Variants in SESTD1 observed in about 807,000 individuals in gnomAD.
The protein encoded by SESTD1 is SEC14 domain and spectrin repeat-containing protein 1.
SESTD1 carries 43 observed loss-of-function variants against 101.7 expected under a neutral mutation model. That is an observed-to-expected ratio of 0.42 (90% CI 0.33 to 0.55). The LOEUF (loss-of-function observed/expected upper bound fraction) is 0.55. SESTD1 is among the 20% of genes least tolerant of loss of function. The pLI is 0.07. For synonymous variants in SESTD1, 283 were observed against 286.8 expected, an observed-to-expected ratio of 0.99 and a Z score of 0.13; for missense variants, 647 against 815.1, an observed-to-expected ratio of 0.79 and a Z score of 2.51.
chr2:179,137,268 C>G (rs925941905), intron 9 of SESTD1, among the ~76,000 whole-genome samples: 12 of 152,160 alleles, frequency 7.9e-5, no homozygotes, highest in African/African-American at 2.7e-4. Flanking sequence ...TTGTGACTAT[C>G]CATGCTTCTT....
In SESTD1 at chr2:179,124,566, C is replaced by G; in HGVS notation, c.973-8G>C. On this transcript the variant is annotated splice_polypyrimidine_tract_variant and splice_region_variant and intron_variant, in intron 10 of 17. Coordinates refer to ENST00000428443, the MANE Select transcript of SESTD1 (RefSeq NM_178123.5). Reference sequence around the variant, plus strand: ...ATACACTGCAAACCATTCCTGTAATCAAGATGTTACAAAGTAAACTAAGGC... The same window carrying G: ...ATACACTGCAAACCATTCCTGTAATGAAGATGTTACAAAGTAAACTAAGGC... 1 of 1,605,726 alleles carries G rather than the reference C, an allele frequency of 6.2e-7. No homozygotes were observed.
intron 5 of SESTD1, among the ~76,000 whole-genome samples, chr2:179,167,867 A>G (rs2045862677): frequency 6.6e-6 from 1 of 151,990 alleles, no homozygotes; most frequent in Admixed American, 6.5e-5. Context: ...GGTTCAAGCA[A>G]TTCTCCTGTC....
At chr2:179,262,680 A>G (rs1301861582) in intron 1 of SESTD1, among the ~76,000 whole-genome samples, 1 of 152,242 alleles carries the variant, frequency 6.6e-6, no homozygotes, top group African/African-American at 2.4e-5. Flanking sequence ...CATTAATACC[A>G]AGTTCATTTT....
chr2:179,184,280 A>C (rs1340860591), intron 2 of SESTD1, among the ~76,000 whole-genome samples: 1 of 152,216 alleles, frequency 6.6e-6, no homozygotes, highest in East Asian at 1.9e-4. Context: ...TGAGAGGCTT[A>C]AAAAGCAGCA....
chr2:179,262,555 A>C (rs1018524991), intron 1 of SESTD1, among the ~76,000 whole-genome samples: 3 of 152,126 alleles, frequency 2.0e-5, no homozygotes, highest in African/African-American at 7.2e-5. Context: ...AAGATCTTTG[A>C]AGTTAGCTAC....
chr2:179,128,742 G>GAAAAAAAAAAAAA (rs2044939220), intron 10 of SESTD1, among the ~76,000 whole-genome samples: 1 of 131,102 alleles, frequency 7.6e-6, no homozygotes. Flanking sequence ...AAAAAAAAAA[G>GAAAAAAAAAAAAA]AAAAGAAAAA....
chr2:179,229,321 TTCTC>T (rs2046940101), intron 1 of SESTD1, among the ~76,000 whole-genome samples: 1 of 152,144 alleles, frequency 6.6e-6, no homozygotes, highest in Non-Finnish European at 1.5e-5. Context: ...AAAGGCCGAA[TTCTC>T]TCTATCTGCC....
In SESTD1 at chr2:179,107,950, A is replaced by G. The variant is rs1048803498; in HGVS notation, c.*1949T>C. On this transcript the variant is annotated 3_prime_UTR_variant, in exon 18 of 18. Coordinates refer to ENST00000428443, the MANE Select transcript of SESTD1 (RefSeq NM_178123.5). ...AAAGAACTTCCTGGATGTTCTCAGAAGCAGTGACCACATAAGACAAGAGGG... is the reference window on the plus strand; with the variant it reads ...AAAGAACTTCCTGGATGTTCTCAGAGGCAGTGACCACATAAGACAAGAGGG... 2 of 152,220 alleles carry G rather than the reference A, an allele frequency of 1.3e-5. No homozygotes were observed. Among genetic ancestry groups the G allele is most frequent in the Non-Finnish European group, 2.9e-5 (2 of 68,034 alleles). The allele number at this position is 152,220 out of a possible 1,614,324, so 9.4% of individuals were successfully genotyped here.
intron 5 of SESTD1, among the ~76,000 whole-genome samples, chr2:179,152,767 GA>G (rs2045555282): frequency 6.6e-6 from 1 of 151,986 alleles, no homozygotes; most frequent in African/African-American, 2.4e-5. Flanking sequence ...AATTGCTATT[GA>G]TAACAATACA....
intron 5 of SESTD1, among the ~76,000 whole-genome samples, chr2:179,159,494 G>A (rs1257945529): frequency 6.6e-6 from 1 of 152,170 alleles, no homozygotes; most frequent in African/African-American, 2.4e-5. Flanking sequence ...TAGGCCTGAA[G>A]TAGAACTGGA....
chr2:179,142,654 T>C (rs2045305429), intron 9 of SESTD1, among the ~76,000 whole-genome samples: 1 of 152,230 alleles, frequency 6.6e-6, no homozygotes. Context: ...CTCCACAAAA[T>C]GCCAGTTCTT....
At chr2:179,200,861 G>C (rs1205693104) in intron 1 of SESTD1, among the ~76,000 whole-genome samples, 1 of 134,006 alleles carries the variant, frequency 7.5e-6, no homozygotes, top group East Asian at 2.0e-4. Context: ...CATAGGCATG[G>C]GCAAGGACTT....
At chr2:179,201,695 T>G (rs2046514429) in intron 1 of SESTD1, among the ~76,000 whole-genome samples, 1 of 123,660 alleles carries the variant, frequency 8.1e-6, no homozygotes, top group African/African-American at 3.4e-5. Context: ...ACACCGCATA[T>G]TCTCACTCAT....
chr2:179,116,712 T>C lies in SESTD1; in HGVS notation c.1603A>G (p.Lys535Glu). 1 of 1,614,146 alleles carries C rather than the reference T, an allele frequency of 6.2e-7. No homozygotes were observed. Among genetic ancestry groups the C allele is most frequent in the Non-Finnish European group, 8.5e-7 (1 of 1,180,012 alleles). Residue 535 changes from lysine (K) to glutamate (E), a missense_variant, in exon 15 of 18, where the codon AAA becomes GAA. Physicochemically the swap from Lys to Glu is moderately conservative, Grantham distance 56. Transcript: ENST00000428443. ...IRLGDDAQETKVLLEKHRKFV... is the reference protein window; with the variant it reads ...IRLGDDAQETEVLLEKHRKFV... ...TTTCTATGCTTTTCCAGCAAAACTT[T>C]CGTTTCTTGAGCATCATCGCCCAAT...
chr2:179,156,547 G>A (rs1420938161), intron 5 of SESTD1, among the ~76,000 whole-genome samples: 1 of 152,122 alleles, frequency 6.6e-6, no homozygotes, highest in Non-Finnish European at 1.5e-5. Context: ...TCACATTGTG[G>A]TACTGATTTG....
At chr2:179,239,748 T>C (rs750435862) in intron 1 of SESTD1, among the ~76,000 whole-genome samples, 8 of 152,200 alleles carry the variant, frequency 5.3e-5, no homozygotes, top group Non-Finnish European at 8.8e-5. Flanking sequence ...TACTAACGCT[T>C]TATTCTTAAA....
intron 3 of SESTD1, among the ~76,000 whole-genome samples, chr2:179,177,977 T>C (rs2046040356): frequency 6.6e-6 from 1 of 152,206 alleles, no homozygotes; most frequent in African/African-American, 2.4e-5. Flanking sequence ...ATTCCATTTA[T>C]ATGAAATGTC....
chr2:179,112,881 C>T (rs766324305), intron 16 of SESTD1, 36 bp from the exon 17 acceptor site: 5 of 1,584,042 alleles, frequency 3.2e-6, no homozygotes, highest in Middle Eastern at 1.7e-4. Flanking sequence ...AATCAAGAGA[C>T]ACAGACAGGT....
chr2:179,251,969 T>C (rs2047323805), intron 1 of SESTD1, among the ~76,000 whole-genome samples: 1 of 152,242 alleles, frequency 6.6e-6, no homozygotes, highest in African/African-American at 2.4e-5. Flanking sequence ...TAAGACCAGA[T>C]GTAAATTATA....
Sources: gnomAD v4.1 joint callset for allele counts (sites outside exome capture counted in the v4.1 genomes callset) on GRCh38, gnomAD v4.1.1 for gene constraint, MANE v1.5 for transcripts, NCBI Gene and HGNC (gene_info 2026-07-23, HGNC 2026-07-21) for gene names.